Variants in MTPN observed in about 807,000 individuals in gnomAD.
MTPN encodes granule cell differentiation protein.
In MTPN, 2 loss-of-function variants were observed where a neutral mutation model predicts 13.5. The observed-to-expected ratio is 0.15, with a 90% confidence interval of 0.06 to 0.47. MTPN has a LOEUF of 0.47. Ranked by LOEUF, MTPN falls within the 20% of genes least tolerant of loss-of-function variation. The pLI is 0.97. For missense variants in MTPN, 79 were observed against 137.9 expected (o/e 0.57, Z 2.14); for synonymous variants, 46 against 51.7 (o/e 0.89, Z 0.48).
chr7:135,972,675 C>T (rs1436283138), intron 1 of MTPN, among the ~76,000 whole-genome samples: 1 of 152,130 alleles, frequency 6.6e-6, no homozygotes, highest in Admixed American at 6.5e-5. Context: ...TAAACAAAAT[C>T]ACAGCAATCT....
chr7:135,936,758 C>T (rs1799121269), intron 3 of MTPN, among the ~76,000 whole-genome samples: 1 of 152,138 alleles, frequency 6.6e-6, no homozygotes, highest in South Asian at 2.1e-4. Context: ...GCTGATTTTT[C>T]TGAAGTTTTC....
intron 1 of MTPN, among the ~76,000 whole-genome samples, chr7:135,960,289 G>A (rs1295866071): frequency 1.3e-5 from 2 of 152,076 alleles, no homozygotes; most frequent in Non-Finnish European, 2.9e-5. Flanking sequence ...TTAAGCTTGG[G>A]CTAAGCCTAA....
At chr7:135,958,796 C>T (rs35115922) in intron 1 of MTPN, among the ~76,000 whole-genome samples, 2,073 of 152,224 alleles carry the variant, frequency 0.014, 23 homozygotes, top group African/African-American at 0.028. Flanking sequence ...TCTGCTGATC[C>T]CTGATCTAGT....
intron 1 of MTPN, among the ~76,000 whole-genome samples, chr7:135,961,348 C>G (rs1280631757): frequency 4.6e-5 from 7 of 151,722 alleles, no homozygotes; most frequent in Admixed American, 2.6e-4. Context: ...TTTAGAATTT[C>G]TTTAGATAAA....
rs767456667 is a variant in MTPN at position 135,951,672 on chromosome 7, A to G, written c.73-42T>C. The G allele has an allele frequency of 2.2e-6, 3 of 1,334,806 alleles. No homozygotes were observed. The African/African-American group carries it at 4.3e-5, about 19-fold the overall frequency. 82.7% of individuals were successfully genotyped at this position (1,334,806 alleles called of 1,614,324 possible). A position where few individuals can be genotyped will look rare whatever the true frequency, so the allele number is the denominator to read the frequency against. ...ATGAAAACAATATTTATATGAATGG[A>G]AGACTGAAGAAGTGAAATGAGGCAC... On this transcript the variant is annotated intron_variant, in intron 1 of 3. Coordinates refer to ENST00000393085, the MANE Select transcript of MTPN (RefSeq NM_145808.4).
intron 3 of MTPN, among the ~76,000 whole-genome samples, chr7:135,931,593 CTG>C (rs1307660970): frequency 1.3e-5 from 2 of 152,120 alleles, no homozygotes; most frequent in Non-Finnish European, 2.9e-5. Context: ...AACTTCAGTG[CTG>C]TGAGTCCCGC....
chr7:135,933,972 C>T (rs755935058), intron 3 of MTPN, among the ~76,000 whole-genome samples: 2 of 152,080 alleles, frequency 1.3e-5, no homozygotes, highest in Admixed American at 1.3e-4. Context: ...CTCCTGCCAC[C>T]ATGAGAAGAT....
At chr7:135,975,183 G>A (rs1443510276) in intron 1 of MTPN, among the ~76,000 whole-genome samples, 1 of 152,084 alleles carries the variant, frequency 6.6e-6, no homozygotes, top group Non-Finnish European at 1.5e-5. Flanking sequence ...AAACTAATTG[G>A]AAATAAATTA....
At chr7:135,949,481 AT>A (rs56734544) in intron 3 of MTPN, among the ~76,000 whole-genome samples, 11,999 of 152,210 alleles carry the variant, frequency 0.079, 530 homozygotes, top group South Asian at 0.15. Flanking sequence ...TCAGTAAGGT[AT>A]AAAAATTGCT....
chr7:135,931,970 T>C (rs1169108016), intron 3 of MTPN, among the ~76,000 whole-genome samples: 1 of 152,200 alleles, frequency 6.6e-6, no homozygotes, highest in Non-Finnish European at 1.5e-5. Flanking sequence ...TCTGCTCTTT[T>C]ACTTATTTTA....
At chr7:135,956,383 T>C (rs1201493077) in intron 1 of MTPN, among the ~76,000 whole-genome samples, 3 of 152,244 alleles carry the variant, frequency 2.0e-5, no homozygotes, top group African/African-American at 7.2e-5. Context: ...TCCCAAATTC[T>C]GGGGATAGAG....
At chr7:135,974,461 A>G (rs1170641835) in intron 1 of MTPN, among the ~76,000 whole-genome samples, 4 of 152,136 alleles carry the variant, frequency 2.6e-5, no homozygotes, top group Non-Finnish European at 4.4e-5. Context: ...GTGAGCTATG[A>G]TCACGACACT....
intron 1 of MTPN, among the ~76,000 whole-genome samples, chr7:135,953,877 T>C (rs1799401280): frequency 6.6e-6 from 1 of 152,202 alleles, no homozygotes; most frequent in African/African-American, 2.4e-5. Context: ...TTCTAAATGA[T>C]TGTTTACTTA....
chr7:135,974,096 G>A (rs1393623461), intron 1 of MTPN, among the ~76,000 whole-genome samples: 1 of 152,018 alleles, frequency 6.6e-6, no homozygotes, highest in Non-Finnish European at 1.5e-5. Context: ...ATTTTCAGTG[G>A]TTTGGGGACT....
At chr7:135,935,307 C>T (rs1474613672) in intron 3 of MTPN, among the ~76,000 whole-genome samples, 3 of 151,736 alleles carry the variant, frequency 2.0e-5, no homozygotes, top group South Asian at 2.1e-4. Flanking sequence ...GGCACAACCT[C>T]GGCTCACTGC....
At chr7:135,943,996 T>C (rs1294083418) in intron 3 of MTPN, among the ~76,000 whole-genome samples, 1 of 152,214 alleles carries the variant, frequency 6.6e-6, no homozygotes, top group Non-Finnish European at 1.5e-5. Context: ...TCTCTCATGC[T>C]GGGGTATAAC....
chr7:135,969,101 G>A (rs1799652370), intron 1 of MTPN, among the ~76,000 whole-genome samples: 1 of 80,478 alleles, frequency 1.2e-5, no homozygotes, highest in Non-Finnish European at 2.6e-5. Flanking sequence ...GGGGGGGGGA[G>A]GAGGGAGGGA....
Position 135,928,471 on chromosome 7 carries a change from T to A in MTPN, c.*1455A>T, listed in dbSNP as rs1483939258. 1 of 167,050 alleles carries A rather than the reference T, an allele frequency of 6.0e-6. No homozygotes were observed. The highest frequency in any genetic ancestry group is 2.4e-5 in the African/African-American group (1 of 41,434). 10.3% of individuals were successfully genotyped at this position (167,050 alleles called of 1,614,324 possible). On this transcript the variant is annotated 3_prime_UTR_variant, in exon 4 of 4. Transcript: ENST00000393085. ...AAACCAATTCAATTATTATCCACAA[T>A]CTGAGTATCAGTCCCTAACCCACCC...
intron 1 of MTPN, among the ~76,000 whole-genome samples, chr7:135,968,016 T>C (rs1369330522): frequency 1.3e-5 from 2 of 152,124 alleles, no homozygotes; most frequent in African/African-American, 4.8e-5. Flanking sequence ...GGTCTTGAAC[T>C]CCTGGGCTCA....
Sources: allele counts gnomAD v4.1 joint callset (sites outside exome capture counted in the v4.1 genomes callset), GRCh38; gene constraint gnomAD v4.1.1; transcripts MANE v1.5; gene names NCBI Gene and HGNC (gene_info 2026-07-23, HGNC 2026-07-21).